Variants in PPEF1 observed in about 807,000 individuals in gnomAD.
PPEF1 encodes the protein protein phosphatase with EF-hand domain 1, also known as serine/threonine-protein phosphatase with EF-hands 1.
PPEF1 carries 12 observed loss-of-function variants against 53.3 expected under a neutral mutation model. The ratio of observed to expected loss-of-function variants is 0.23; its 90% CI spans 0.14 to 0.36. PPEF1 has a LOEUF of 0.36. PPEF1 is among the 10% of genes least tolerant of loss of function. The pLI is 1.00. For synonymous variants in PPEF1, 165 were observed against 176.7 expected, an observed-to-expected ratio of 0.93 and a Z score of 0.52; for missense variants, 334 against 490.4, an observed-to-expected ratio of 0.68 and a Z score of 3.01.
intron 3 of PPEF1, among the ~76,000 whole-genome samples, chrX:18,686,609 G>A (rs1046016298): frequency 3.6e-5 from 4 of 110,943 alleles, no homozygotes; most frequent in African/African-American, 9.9e-5. Context: ...GGCTGCGTCA[G>A]TCCCATGCAA....
intron 6 of PPEF1, among the ~76,000 whole-genome samples, chrX:18,701,760 T>G (rs1318685338): frequency 8.9e-6 from 1 of 112,389 alleles, no homozygotes; most frequent in Non-Finnish European, 1.9e-5. Flanking sequence ...CAGCTCTACA[T>G]CCCCTGAACT....
chrX:18,746,570 A>T (rs2045333779), intron 3 of PPEF1, among the ~76,000 whole-genome samples: 1 of 111,485 alleles, frequency 9.0e-6, no homozygotes, highest in African/African-American at 3.3e-5. Context: ...AAGTAACAAG[A>T]CTGAGTCTTC....
intron 12 of PPEF1, among the ~76,000 whole-genome samples, chrX:18,813,216 T>A (rs1358572381): frequency 1.8e-5 from 2 of 109,302 alleles, no homozygotes; most frequent in Non-Finnish European, 3.8e-5. Flanking sequence ...CTGTCTCTAC[T>A]AAAAATACAA....
chrX:18,721,813 A>G (rs1323919061), intron 1 of PPEF1, among the ~76,000 whole-genome samples: 1 of 112,273 alleles, frequency 8.9e-6, no homozygotes. Flanking sequence ...GGTTCCTGAG[A>G]ATGACACAAT....
intron 6 of PPEF1, among the ~76,000 whole-genome samples, chrX:18,762,845 T>C (rs1478888855): frequency 9.0e-6 from 1 of 111,694 alleles, no homozygotes; most frequent in Non-Finnish European, 1.9e-5. Context: ...AATTGCGGTT[T>C]CTGCGTGCTC....
In PPEF1 at chrX:18,707,885, A is replaced by G. The variant is rs942753985; in HGVS notation, c.46+59A>G. ...GAAAAGGGGAAAATGAGCTGCCCTC[A>G]CCCTCTTCTCCTTTCTCATTTACTC... On this transcript the variant is annotated intron_variant, in intron 1 of 15. Coordinates refer to ENST00000470157, the MANE Select transcript of PPEF1 (RefSeq NM_001377996.1). 7 of 1,049,574 alleles carry G rather than the reference A, an allele frequency of 6.7e-6. No homozygotes were observed. In the Admixed American group the frequency reaches 1.6e-4, roughly 24 times the overall value. The allele number at this position is 1,049,574 out of a possible 1,213,427, so 86.5% of individuals were successfully genotyped here.
intron 3 of PPEF1, among the ~76,000 whole-genome samples, chrX:18,741,986 T>TG (rs1420881408): frequency 1.8e-5 from 2 of 109,174 alleles, no homozygotes; most frequent in Non-Finnish European, 3.8e-5. Flanking sequence ...TTAGTGGAGA[T>TG]GGGGTTTCGC....
chrX:18,789,330 C>T, intron 10 of PPEF1, 57 bp downstream of exon 10: 2 of 1,079,227 alleles, frequency 1.9e-6, no homozygotes, highest in Admixed American at 2.4e-5. Context: ...TGCATGTTGT[C>T]CCTTACAATA....
intron 10 of PPEF1, among the ~76,000 whole-genome samples, chrX:18,797,001 T>A (rs773174230): frequency 2.7e-4 from 30 of 111,410 alleles, no homozygotes; most frequent in African/African-American, 9.1e-4. Flanking sequence ...TGGGGCTCAT[T>A]ATTCCATAAC....
intron 10 of PPEF1, among the ~76,000 whole-genome samples, chrX:18,803,394 G>A (rs1326185932): frequency 1.8e-5 from 2 of 112,731 alleles, no homozygotes; most frequent in Non-Finnish European, 3.7e-5. Flanking sequence ...ACATGTCACA[G>A]TGCTGCAGAG....
chrX:18,708,327 C>CA (rs1286049940), intron 1 of PPEF1, among the ~76,000 whole-genome samples: 4 of 110,546 alleles, frequency 3.6e-5, no homozygotes, highest in African/African-American at 3.3e-5. Context: ...CATCTGTTTC[C>CA]AAAAAAAAGG....
intron 3 of PPEF1, among the ~76,000 whole-genome samples, chrX:18,739,420 A>G (rs5955639): frequency 0.024 from 2,699 of 112,108 alleles, 74 homozygotes; most frequent in African/African-American, 0.08. Flanking sequence ...TGTTTGCCTG[A>G]GTATCACCAG....
chrX:18,700,923 C>T (rs1475661778), intron 6 of PPEF1, among the ~76,000 whole-genome samples: 9 of 112,602 alleles, frequency 8.0e-5, no homozygotes, highest in Admixed American at 5.6e-4. Context: ...CGTATGCGAA[C>T]TGATCAGATT....
intron 12 of PPEF1, among the ~76,000 whole-genome samples, chrX:18,812,742 A>G (rs2046833776): frequency 8.9e-6 from 1 of 111,847 alleles, no homozygotes; most frequent in Admixed American, 9.6e-5. Flanking sequence ...TTGCTGCTAT[A>G]GTAAATGGAA....
At chrX:18,694,187 T>C in intron 4 of PPEF1, among the ~76,000 whole-genome samples, 4 of 112,116 alleles carry the variant, frequency 3.6e-5, no homozygotes, top group Non-Finnish European at 7.5e-5. Context: ...GTCCCACAGT[T>C]TGTGGGACAC....
intron 14 of PPEF1, 101 bp from the exon 15 acceptor site, chrX:18,825,650 C>A: frequency 2.0e-6 from 1 of 493,665 alleles, no homozygotes; most frequent in South Asian, 5.4e-5. Flanking sequence ...TAAATCACAT[C>A]ATTTCAATTG....
At position 18,807,964 on chromosome X, in the gene PPEF1, C is replaced by T. The variant is rs767898802; in HGVS notation, c.1394+1419C>T. On this transcript the variant is annotated intron_variant, in intron 12 of 15. Coordinates refer to ENST00000470157, the MANE Select transcript of PPEF1 (RefSeq NM_001377996.1). ...TGTGAGCTACCACGCCCAGCCTGTA[C>T]GTACATTTTTTTTTTTTTTTTGAGA... is the stretch of plus-strand genomic sequence containing the variant. Among the ~76,000 whole-genome samples, 4 of 82,423 alleles carry T rather than the reference C, an allele frequency of 4.9e-5. No individual in the cohort carries two copies. The East Asian group carries it at 1.1e-3, about 23-fold the overall frequency. The allele number at this position is 82,423 out of a possible 115,157, so 71.6% of individuals were successfully genotyped here. A position where few individuals can be genotyped will look rare whatever the true frequency, so the allele number is the denominator to read the frequency against.
upstream of PPEF1, among the ~76,000 whole-genome samples, chrX:18,682,147 G>T (rs765478006): frequency 1.2e-4 from 14 of 112,727 alleles, no homozygotes; most frequent in South Asian, 5.0e-3. Flanking sequence ...CTGCACCAGC[G>T]CAGGTGCGCA....
At chrX:18,712,049 G>A (rs966130399) in intron 1 of PPEF1, among the ~76,000 whole-genome samples, 7 of 112,104 alleles carry the variant, frequency 6.2e-5, no homozygotes, top group African/African-American at 1.6e-4. Context: ...ACCACGCCAG[G>A]CCTACTATAG....
Sources: allele counts gnomAD v4.1 joint callset (sites outside exome capture counted in the v4.1 genomes callset), GRCh38; gene constraint gnomAD v4.1.1; transcripts MANE v1.5; gene names NCBI Gene and HGNC (gene_info 2026-07-23, HGNC 2026-07-21).